CDC40: variants seen among roughly 807,000 people sequenced by gnomAD.
CDC40 encodes cell division cycle 40.
A neutral mutation model predicts 80.6 loss-of-function variants in CDC40; 27 were observed. That is an observed-to-expected ratio of 0.33 (90% CI 0.25 to 0.46). CDC40 has a LOEUF of 0.46. CDC40 is among the 20% of genes least tolerant of loss of function. The pLI, the probability that CDC40 is intolerant of heterozygous loss-of-function variation, is 1.00. For synonymous variants in CDC40, 221 were observed against 232.6 expected, an observed-to-expected ratio of 0.95 and a Z score of 0.45; for missense variants, 486 against 694.1, an observed-to-expected ratio of 0.70 and a Z score of 3.37.
intron 11 of CDC40, 96 bp downstream of exon 11, chr6:110,219,575 T>C: frequency 9.0e-7 from 1 of 1,106,792 alleles, no homozygotes; most frequent in Non-Finnish European, 1.3e-6. Context: ...ATTTAATGTT[T>C]GCTACTTTTA....
At chr6:110,223,837 GTTTT>G (rs1418513899) in intron 12 of CDC40, among the ~76,000 whole-genome samples, 2 of 151,844 alleles carry the variant, frequency 1.3e-5, no homozygotes, top group African/African-American at 4.8e-5. Flanking sequence ...GTTTTGTTTT[GTTTT>G]GTTTTGTTTG....
chr6:110,209,506 G>A (rs1384869248), intron 5 of CDC40, among the ~76,000 whole-genome samples: 3 of 151,892 alleles, frequency 2.0e-5, no homozygotes, highest in Non-Finnish European at 4.4e-5. Flanking sequence ...AGCTGCCATG[G>A]TAGCTACTCT....
Position 110,230,411 on chromosome 6 carries a change from CA to C in CDC40, c.*281del, listed in dbSNP as rs1327221522. On this transcript the variant is annotated 3_prime_UTR_variant, in exon 15 of 15. Coordinates refer to ENST00000307731, the MANE Select transcript of CDC40 (RefSeq NM_015891.3). Reference sequence around the variant, plus strand: ...GTTTATACTCATGACATACTGAAAGCATCTCTTTGGGGTCAAGAAAGAATCC... The same window carrying C: ...GTTTATACTCATGACATACTGAAAGCTCTCTTTGGGGTCAAGAAAGAATCC... 2 of 280,388 alleles carry C rather than the reference CA, an allele frequency of 7.1e-6. No individual in the cohort carries two copies. Among genetic ancestry groups the C allele is most frequent in the Admixed American group, 1.1e-4 (2 of 18,658 alleles). The allele number at this position is 280,388 out of a possible 1,614,324, so 17.4% of individuals were successfully genotyped here. A position where few individuals can be genotyped will look rare whatever the true frequency, so the allele number is the denominator to read the frequency against.
chr6:110,205,882 C>T (rs866016056), intron 3 of CDC40, among the ~76,000 whole-genome samples: 6 of 152,070 alleles, frequency 3.9e-5, no homozygotes, highest in Non-Finnish European at 8.8e-5. Flanking sequence ...GACAAAATAA[C>T]TCATGGGATT....
intron 9 of CDC40, among the ~76,000 whole-genome samples, chr6:110,217,300 C>A (rs1777712974): frequency 1.3e-5 from 2 of 152,176 alleles, no homozygotes; most frequent in Non-Finnish European, 2.9e-5. Flanking sequence ...TGAGAGTGAA[C>A]CTCCAAAATT....
At chr6:110,204,301 C>T (rs1420148633) in intron 3 of CDC40, among the ~76,000 whole-genome samples, 3 of 152,232 alleles carry the variant, frequency 2.0e-5, no homozygotes, top group East Asian at 1.9e-4. Flanking sequence ...CATGAGCCAC[C>T]GTGCCCGCCC....
At chr6:110,192,576 TAA>T (rs761771635) in intron 1 of CDC40, among the ~76,000 whole-genome samples, 145 of 152,340 alleles carry the variant, frequency 9.5e-4, no homozygotes, top group Non-Finnish European at 1.7e-3. Context: ...AGGTCCAGGC[TAA>T]AGATACCAAT....
In CDC40 at chr6:110,219,076, A is replaced by G. The variant is rs533430587; in HGVS notation, c.1091-288A>G. On this transcript the variant is annotated intron_variant, in intron 10 of 14. Transcript: ENST00000307731. ...CCAGCATAATATCTGAGATTCCCTC[A>G]TGGCTTGTACCAGTAGTTTGTTCTT... Among the ~76,000 whole-genome samples the G allele has an allele frequency of 1.2e-3, 190 of 152,248 alleles. 1 individual carries two copies. The highest frequency in any genetic ancestry group is 2.0e-3 in the Non-Finnish European group (137 of 67,998).
At chr6:110,189,322 C>G (rs1329660769) in intron 1 of CDC40, among the ~76,000 whole-genome samples, 1 of 152,132 alleles carries the variant, frequency 6.6e-6, no homozygotes, top group Non-Finnish European at 1.5e-5. Context: ...GTCTCCTCCA[C>G]TAGAATATAA....
chr6:110,191,105 A>G (rs1777343872), intron 1 of CDC40, among the ~76,000 whole-genome samples: 2 of 152,232 alleles, frequency 1.3e-5, no homozygotes, highest in Admixed American at 6.5e-5. Context: ...AGAGAAACTA[A>G]GTTGCCTGTT....
In CDC40 at chr6:110,204,659, CTTTTTTTTTTT is replaced by C. The variant is rs55895216; in HGVS notation, c.407-2836_407-2826del. On this transcript the variant is annotated intron_variant, in intron 3 of 14. Coordinates refer to ENST00000307731, the MANE Select transcript of CDC40 (RefSeq NM_015891.3). The stretch of plus-strand genomic sequence containing the variant: ...CACAGTGTATAAAAGTCCTATTTCT[CTTTTTTTTTTT>C]TTTTTTTTTTGAGACAGGATCTCGC... Among the ~76,000 whole-genome samples, 6 of 119,274 alleles carry C rather than the reference CTTTTTTTTTTT, an allele frequency of 5.0e-5. No homozygotes were observed. The South Asian group carries it at 1.3e-3, about 27-fold the overall frequency. The allele number at this position is 119,274 out of a possible 152,430, so 78.2% of individuals were successfully genotyped here.
At chr6:110,229,011 A>C (rs189976751) in intron 14 of CDC40, 35 bp downstream of exon 14, 1 of 1,512,250 alleles carries the variant, frequency 6.6e-7, no homozygotes, top group East Asian at 2.3e-5. Flanking sequence ...TCTCGTATTC[A>C]AATATGATTA....
At chr6:110,198,135 T>A (rs1777442207) in intron 2 of CDC40, among the ~76,000 whole-genome samples, 1 of 152,094 alleles carries the variant, frequency 6.6e-6, no homozygotes, top group African/African-American at 2.4e-5. Context: ...TTTGCATTTC[T>A]CTGGTGATTA....
rs1397162705 is a variant in CDC40, at chr6:110,230,427, A to C, written c.*296A>C. The C allele has an allele frequency of 4.1e-6, 1 of 244,840 alleles. No individual in the cohort carries two copies. Among genetic ancestry groups the C allele is most frequent in the East Asian group, 1.2e-4 (1 of 8,646 alleles). 15.2% of individuals were successfully genotyped at this position (244,840 alleles called of 1,614,324 possible). A position where few individuals can be genotyped will look rare whatever the true frequency, so the allele number is the denominator to read the frequency against. ...TACTGAAAGCATCTCTTTGGGGTCA[A>C]GAAAGAATCCCTAGTGGATTTGGGA... On this transcript the variant is annotated 3_prime_UTR_variant, in exon 15 of 15. Coordinates refer to ENST00000307731, the MANE Select transcript of CDC40 (RefSeq NM_015891.3).
At chr6:110,220,265 T>C (rs1777751462) in intron 12 of CDC40, among the ~76,000 whole-genome samples, 1 of 152,116 alleles carries the variant, frequency 6.6e-6, no homozygotes, top group Non-Finnish European at 1.5e-5. Flanking sequence ...TATCTTAATT[T>C]TTTAAATGTC....
intron 3 of CDC40, among the ~76,000 whole-genome samples, chr6:110,203,022 T>G (rs1011385014): frequency 1.3e-5 from 2 of 152,068 alleles, no homozygotes; most frequent in African/African-American, 4.8e-5. Flanking sequence ...AAAATTTTGG[T>G]TTGTCTCCTT....
rs1043003864 is a variant in CDC40, at chr6:110,219,511, C to T, written c.1206+32C>T. The T allele has an allele frequency of 1.4e-5, 18 of 1,267,574 alleles. No individual in the cohort carries two copies. In the Middle Eastern group the frequency reaches 9.5e-4, roughly 67 times the overall value. 78.5% of individuals were successfully genotyped at this position (1,267,574 alleles called of 1,614,324 possible). A position where few individuals can be genotyped will look rare whatever the true frequency, so the allele number is the denominator to read the frequency against. ...CTTTCACAGTATTTTGTTAAGACTC[C>T]TAAGCTTTATGTTGTATAAGGGGAT... On this transcript the variant is annotated intron_variant, in intron 11 of 14. Transcript: ENST00000307731.
chr6:110,181,888 T>C (rs1777202670), intron 1 of CDC40, among the ~76,000 whole-genome samples: 1 of 152,234 alleles, frequency 6.6e-6, no homozygotes, highest in South Asian at 2.1e-4. Flanking sequence ...TTCTCTCCGT[T>C]TCGCTTCCAT....
chr6:110,207,535 C>A lies in CDC40; in HGVS notation c.436C>A (p.His146Asn). The A allele has an allele frequency of 6.2e-7, 1 of 1,602,964 alleles. No individual in the cohort carries two copies. The highest frequency in any genetic ancestry group is 1.1e-5 in the South Asian group (1 of 90,440). Residue 146 changes from histidine (H) to asparagine (N), a missense_variant, in exon 4 of 15, where the codon CAT becomes AAT. His to Asn is a moderately conservative substitution (Grantham distance 68). Coordinates refer to ENST00000307731, the MANE Select transcript of CDC40 (RefSeq NM_015891.3). ...TGCATTAGACCCTTCATTAGATAAT[C>A]ATCAAGTGTCTGCTAAATATATTGG... ...GYALDPSLDN[H>N]QVSAKYIGSV... is the part of the protein sequence containing the mutation.
Sources: allele counts gnomAD v4.1 joint callset (sites outside exome capture counted in the v4.1 genomes callset), GRCh38; gene constraint gnomAD v4.1.1; transcripts MANE v1.5; gene names NCBI Gene and HGNC (gene_info 2026-07-23, HGNC 2026-07-21).